The following ABCA1 variants were observed in gnomAD, a reference collection of about 807,000 sequenced individuals.
ABCA1 encodes the protein ATP binding cassette subfamily A member 1.
Under a neutral mutation model 262.5 loss-of-function variants are expected in ABCA1, and 133 were observed. That is an observed-to-expected ratio of 0.51 (90% CI 0.44 to 0.59). The LOEUF is 0.59. ABCA1 is among the 20% of genes least tolerant of loss of function. The pLI is 0.00. For synonymous variants in ABCA1, 1,022 were observed against 1,043.5 expected (o/e 0.98, Z 0.40); for missense variants, 2,452 against 2,777.5 (o/e 0.88, Z 2.63).
At position 104,792,772 on chromosome 9, in the gene ABCA1, C is replaced by G. The variant is rs1296587181; in HGVS notation, c.5757+14G>C. ...AAAACTGAAGATGAGCTATTGTAAC[C>G]TGTACTCTCTCACCTTCGTCAACTC... On this transcript the variant is annotated intron_variant, in intron 42 of 49. Coordinates refer to ENST00000374736, the MANE Select transcript of ABCA1 (RefSeq NM_005502.4). The G allele has an allele frequency of 1.9e-6, 3 of 1,614,030 alleles. No homozygotes were observed. Among genetic ancestry groups the G allele is most frequent in the Admixed American group, 1.7e-5 (1 of 60,020 alleles).
rs1421103552 is a variant in ABCA1 at position 104,878,077 on chromosome 9, CTT to C, written c.421+4960_421+4961del. Among the ~76,000 whole-genome samples, 3 of 152,192 alleles carry C rather than the reference CTT, an allele frequency of 2.0e-5. No homozygotes were observed. The East Asian group carries it at 5.8e-4, about 29-fold the overall frequency. On this transcript the variant is annotated intron_variant, in intron 5 of 49. Transcript: ENST00000374736. Reference sequence around the variant, plus strand: ...CACACAAAACTCACCCAGAGAAACACTTATCTCTGCCAGTCTGTATCTCACAG... The same window carrying C: ...CACACAAAACTCACCCAGAGAAACACATCTCTGCCAGTCTGTATCTCACAG...
Position 104,812,626 on chromosome 9 carries a change from A to C in ABCA1, c.3998T>G (p.Leu1333Trp). 1 of 1,614,214 alleles carries C rather than the reference A, an allele frequency of 6.2e-7. No individual in the cohort carries two copies. The highest frequency in any genetic ancestry group is 8.5e-7 in the Non-Finnish European group (1 of 1,180,034). ...TCTGGCAATTAGCAGTCTCTTCCAC[A>C]AAAGGGCCACAAACTGTTGCTGTGT... Reference protein sequence around the residue: ...KLTQQQFVALLWKRLLIARRS... With the variant: ...KLTQQQFVALWWKRLLIARRS... Residue 1333 changes from leucine (L) to tryptophan (W), a missense_variant, in exon 28 of 50, where the codon TTG becomes TGG. Transcript: ENST00000374736.
intron 30 of ABCA1, 67 bp downstream of exon 30, chr9:104,809,399 C>T: frequency 2.8e-6 from 4 of 1,420,684 alleles, no homozygotes; most frequent in Non-Finnish European, 3.0e-6. Flanking sequence ...TTGATAAATG[C>T]AGCATATTAG....
chr9:104,889,136 A>C lies in ABCA1; in HGVS notation c.126T>G (p.Val42=), dbSNP rs375663888. The C allele has an allele frequency of 6.2e-7, 1 of 1,614,216 alleles. No homozygotes were observed. ...GTTCATAGGGTGGGTAGCTCAGCCG[A>C]ACAGAGATCAGGATCAGGAAGATAA... ...PLFIFLILIS[V]RLSYPPYEQH... Residue 42 remains valine (V), a synonymous_variant, in exon 3 of 50, where the codon GTT becomes GTG. Coordinates refer to ENST00000374736, the MANE Select transcript of ABCA1 (RefSeq NM_005502.4).
intron 7 of ABCA1, among the ~76,000 whole-genome samples, chr9:104,853,571 G>A (rs1340353): frequency 0.027 from 4,103 of 152,246 alleles, 172 homozygotes; most frequent in African/African-American, 0.082. Flanking sequence ...CCTTGTTGGT[G>A]GTCGAACTTC....
At chr9:104,914,203 C>T (rs185228475) in intron 1 of ABCA1, among the ~76,000 whole-genome samples, 72 of 151,964 alleles carry the variant, frequency 4.7e-4, no homozygotes, top group African/African-American at 1.1e-3. Flanking sequence ...CTTGGCCAGA[C>T]GCAGTGGCTC....
At chr9:104,868,427 G>T (rs976126237) in intron 5 of ABCA1, among the ~76,000 whole-genome samples, 2 of 152,226 alleles carry the variant, frequency 1.3e-5, no homozygotes, top group African/African-American at 4.8e-5. Flanking sequence ...TCAAGAACGT[G>T]AACGTGCTGT....
At chr9:104,848,276 G>C (rs1835068603) in intron 7 of ABCA1, among the ~76,000 whole-genome samples, 1 of 152,170 alleles carries the variant, frequency 6.6e-6, no homozygotes, top group African/African-American at 2.4e-5. Context: ...ACACTGTGAG[G>C]TTTGGGGAGC....
chr9:104,851,486 C>T (rs1376621234), intron 7 of ABCA1, among the ~76,000 whole-genome samples: 2 of 152,226 alleles, frequency 1.3e-5, no homozygotes, highest in East Asian at 3.8e-4. Context: ...GCCACCTTCT[C>T]TTCCCTCTCC....
chr9:104,875,556 T>A (rs993674151), intron 5 of ABCA1, among the ~76,000 whole-genome samples: 12 of 152,190 alleles, frequency 7.9e-5, no homozygotes, highest in African/African-American at 2.6e-4. Context: ...CAAGGTGATA[T>A]GTCCTCCAAA....
At chr9:104,862,404 C>T (rs1005022148) in intron 5 of ABCA1, among the ~76,000 whole-genome samples, 12 of 94,186 alleles carry the variant, frequency 1.3e-4, no homozygotes, top group East Asian at 4.1e-4. Context: ...CCACCATGCC[C>T]GGTCTTTCTC....
intron 7 of ABCA1, among the ~76,000 whole-genome samples, chr9:104,854,468 A>T (rs1835661856): frequency 6.6e-6 from 1 of 152,166 alleles, no homozygotes; most frequent in Admixed American, 6.5e-5. Context: ...TAAAAAAAAA[A>T]AGTACAATCG....
chr9:104,814,676 G>A (rs1369398821), intron 25 of ABCA1, among the ~76,000 whole-genome samples: 2 of 152,176 alleles, frequency 1.3e-5, no homozygotes, highest in African/African-American at 4.8e-5. Context: ...AGTGGTGAGA[G>A]CTATCAAGCT....
intron 5 of ABCA1, among the ~76,000 whole-genome samples, chr9:104,880,797 A>G (rs1255699311): frequency 2.6e-5 from 4 of 152,136 alleles, no homozygotes; most frequent in African/African-American, 9.7e-5. Flanking sequence ...AGCTCTGCAC[A>G]CTACTGTAGG....
In ABCA1 at chr9:104,862,649, C is replaced by CGCCGGGCAGGGCAGGGCA. The variant is rs1836584932; in HGVS notation, c.422-850_422-849insTGCCCTGCCCTGCCCGGC. On this transcript the variant is annotated intron_variant, in intron 5 of 49. Transcript: ENST00000374736. Reference sequence around the variant, plus strand: ...TGCAGACTGCCGGGCCGGGCCGGGCCGGGCCGGGCCGGGCCGGGCCGGGCC... The same window carrying CGCCGGGCAGGGCAGGGCA: ...TGCAGACTGCCGGGCCGGGCCGGGCCGCCGGGCAGGGCAGGGCAGGGCCGGGCCGGGCCGGGCCGGGCC... 1.7e-4 allele frequency among the ~76,000 whole-genome samples: 2 copies of CGCCGGGCAGGGCAGGGCA among 11,702 alleles called. 1 individual carries two copies. The highest frequency in any genetic ancestry group is 5.4e-4 in the African/African-American group (2 of 3,710). 7.7% of individuals were successfully genotyped at this position (11,702 alleles called of 152,430 possible).
chr9:104,788,206 G>A, intron 45 of ABCA1, 152 bp from the exon 46 acceptor site: 1 of 1,149,078 alleles, frequency 8.7e-7, no homozygotes, highest in South Asian at 1.2e-5. Flanking sequence ...CAGGGAGAAG[G>A]GACTCGTGTG....
chr9:104,912,724 C>T (rs1351823971), intron 1 of ABCA1, among the ~76,000 whole-genome samples: 2 of 152,204 alleles, frequency 1.3e-5, no homozygotes, highest in African/African-American at 4.8e-5. Context: ...AACAATACCA[C>T]TATTTGCCTT....
chr9:104,864,923 CG>C (rs1836950648), intron 5 of ABCA1, among the ~76,000 whole-genome samples: 1 of 152,182 alleles, frequency 6.6e-6, no homozygotes. Context: ...GTGAATCCCC[CG>C]GATGAGACAT....
At position 104,855,402 on chromosome 9, in the gene ABCA1, C is replaced by T. The variant is rs188307881; in HGVS notation, c.720+3120G>A. 2.2e-3 allele frequency among the ~76,000 whole-genome samples: 338 copies of T among 152,196 alleles called. 2 individuals are homozygous for T. The highest frequency in any genetic ancestry group is 7.8e-3 in the African/African-American group (326 of 41,544). ...TTTTAGTAGAGAGGGGATTTCACCA[C>T]GTTGGCCAGGCTGGTCTTGAACTCC... is the stretch of plus-strand genomic sequence containing the variant. On this transcript the variant is annotated intron_variant, in intron 7 of 49. Coordinates refer to ENST00000374736, the MANE Select transcript of ABCA1 (RefSeq NM_005502.4).
Sources: gnomAD v4.1 joint callset for allele counts (sites outside exome capture counted in the v4.1 genomes callset) on GRCh38, gnomAD v4.1.1 for gene constraint, MANE v1.5 for transcripts, NCBI Gene and HGNC (gene_info 2026-07-23, HGNC 2026-07-21) for gene names.